The following IL1RAPL2 variants were observed in gnomAD, a reference collection of about 807,000 sequenced individuals.
IL1RAPL2 encodes the protein interleukin 1 receptor accessory protein like 2, also known as X-linked interleukin-1 receptor accessory protein-like 2.
IL1RAPL2 carries 3 observed loss-of-function variants against 44.1 expected under a neutral mutation model. The observed-to-expected ratio is 0.07, with a 90% CI of 0.03 to 0.18. The LOEUF is 0.18. Among genes scored for constraint, IL1RAPL2 ranks in the 10% least tolerant of loss-of-function variants. The pLI, the probability that IL1RAPL2 is intolerant of heterozygous loss-of-function variation, is 1.00. For missense variants in IL1RAPL2, 391 were observed against 496.4 expected, an observed-to-expected ratio of 0.79 and a Z score of 2.02; for synonymous variants, 181 against 178.8, an observed-to-expected ratio of 1.01 and a Z score of -0.10.
At chrX:105,389,559 CAGATATACATT>C (rs2147729086) in intron 5 of IL1RAPL2, among the ~76,000 whole-genome samples, 1 of 111,650 alleles carries the variant, frequency 9.0e-6, no homozygotes, top group South Asian at 3.7e-4. Context: ...GGAGGCTAGT[CAGATATACATT>C]TGATAAACAA....
At chrX:105,495,666 G>A (rs2036351522) in intron 6 of IL1RAPL2, among the ~76,000 whole-genome samples, 1 of 111,733 alleles carries the variant, frequency 8.9e-6, no homozygotes, top group Non-Finnish European at 1.9e-5. Context: ...GATAATCATG[G>A]TGTGTCTTAA....
At chrX:105,472,732 G>A (rs1230198124) in intron 5 of IL1RAPL2, among the ~76,000 whole-genome samples, 1 of 111,406 alleles carries the variant, frequency 9.0e-6, no homozygotes, top group African/African-American at 3.3e-5. Flanking sequence ...CGAAGACAGG[G>A]AACAAGCTTG....
intron 2 of IL1RAPL2, among the ~76,000 whole-genome samples, chrX:105,027,786 A>G (rs1283990113): frequency 1.8e-5 from 2 of 111,513 alleles, no homozygotes; most frequent in Non-Finnish European, 3.8e-5. Context: ...TCAAAAAACT[A>G]AAAATTGAGC....
chrX:105,718,811 C>T (rs753519838), intron 7 of IL1RAPL2, among the ~76,000 whole-genome samples: 3 of 110,951 alleles, frequency 2.7e-5, no homozygotes, highest in Non-Finnish European at 5.7e-5. Context: ...AGCCAGGCAT[C>T]GTGCTATGTG....
intron 2 of IL1RAPL2, among the ~76,000 whole-genome samples, chrX:104,722,216 G>C (rs1241520915): frequency 9.0e-6 from 1 of 111,615 alleles, no homozygotes; most frequent in African/African-American, 3.2e-5. Context: ...ATTGTAGCAT[G>C]AAAGCAGCCA....
chrX:104,940,665 G>C (rs1328516852), intron 2 of IL1RAPL2, among the ~76,000 whole-genome samples: 4 of 109,242 alleles, frequency 3.7e-5, no homozygotes, highest in Non-Finnish European at 5.7e-5. Context: ...GAACATTGGA[G>C]TGCTTCAGGG....
Position 105,389,259 on chromosome X carries a change from T to A in IL1RAPL2, c.698-95054T>A, listed in dbSNP as rs373610100. Among the ~76,000 whole-genome samples the A allele has an allele frequency of 1.6e-3, 181 of 112,366 alleles. No homozygotes were observed. In the Middle Eastern group the frequency reaches 0.033, roughly 20 times the overall value. ...TCTTTGAAGCCAATTATAATTTTAG[T>A]ACCAACCAACAGTTGGCACTTAATT... On this transcript the variant is annotated intron_variant, in intron 5 of 10. Transcript: ENST00000372582.
At chrX:105,692,227 T>C (rs2038041078) in intron 6 of IL1RAPL2, among the ~76,000 whole-genome samples, 1 of 111,604 alleles carries the variant, frequency 9.0e-6, no homozygotes, top group African/African-American at 3.3e-5. Context: ...CATAGCACTT[T>C]ACATACATTA....
chrX:104,937,299 G>A (rs1188093549), intron 2 of IL1RAPL2, among the ~76,000 whole-genome samples: 1 of 111,928 alleles, frequency 8.9e-6, no homozygotes, highest in Non-Finnish European at 1.9e-5. Flanking sequence ...TTCAAGTAAT[G>A]GTCCATTATC....
intron 2 of IL1RAPL2, among the ~76,000 whole-genome samples, chrX:105,126,865 C>T (rs766693212): frequency 9.0e-6 from 1 of 110,986 alleles, no homozygotes; most frequent in South Asian, 3.8e-4. Flanking sequence ...ACCAGATATT[C>T]AGTATTCTTC....
At chrX:105,343,390 CT>C (rs945610045) in intron 5 of IL1RAPL2, among the ~76,000 whole-genome samples, 3 of 112,037 alleles carry the variant, frequency 2.7e-5, no homozygotes, top group African/African-American at 9.7e-5. Flanking sequence ...TCATTTCAGT[CT>C]TTTTTTCTAT....
chrX:105,273,481 G>T (rs2034462915), intron 5 of IL1RAPL2, among the ~76,000 whole-genome samples: 1 of 111,534 alleles, frequency 9.0e-6, no homozygotes, highest in Non-Finnish European at 1.9e-5. Context: ...GTGAAAACTG[G>T]CCACAAAGAA....
At chrX:105,758,962 C>T (rs1282825583) in intron 10 of IL1RAPL2, among the ~76,000 whole-genome samples, 1 of 111,764 alleles carries the variant, frequency 8.9e-6, no homozygotes, top group Non-Finnish European at 1.9e-5. Flanking sequence ...CTACACAGAG[C>T]ACATTGTGTT....
At chrX:105,652,610 G>A (rs930605525) in intron 6 of IL1RAPL2, among the ~76,000 whole-genome samples, 1 of 111,411 alleles carries the variant, frequency 9.0e-6, no homozygotes, top group Non-Finnish European at 1.9e-5. Flanking sequence ...ATGTGATACA[G>A]ATTATTGTTC....
In IL1RAPL2 at chrX:105,241,541, A is replaced by C. The variant is rs782181119; in HGVS notation, c.543+7537A>C. Among the ~76,000 whole-genome samples, 3 of 112,125 alleles carry C rather than the reference A, an allele frequency of 2.7e-5. No homozygotes were observed. In the East Asian group the frequency reaches 8.4e-4, roughly 32 times the overall value. On this transcript the variant is annotated intron_variant, in intron 4 of 10. Transcript: ENST00000372582. Reference sequence around the variant, plus strand: ...ACTGTTAATGTCAACCCCAATTTTTAATAAAACCTAGTAGACAAATCTATC... The same window carrying C: ...ACTGTTAATGTCAACCCCAATTTTTCATAAAACCTAGTAGACAAATCTATC...
chrX:105,104,166 C>T (rs1350622213), intron 2 of IL1RAPL2, among the ~76,000 whole-genome samples: 2 of 111,010 alleles, frequency 1.8e-5, no homozygotes, highest in African/African-American at 6.6e-5. Context: ...GAGCCCCAGA[C>T]CAGCTATAGT....
At chrX:105,231,775 G>A in intron 3 of IL1RAPL2, among the ~76,000 whole-genome samples, 1 of 112,012 alleles carries the variant, frequency 8.9e-6, no homozygotes, top group Non-Finnish European at 1.9e-5. Context: ...AATGAGTAAA[G>A]GAGAGAATGT....
intron 2 of IL1RAPL2, among the ~76,000 whole-genome samples, chrX:104,915,850 C>G (rs1353254367): frequency 3.6e-5 from 4 of 111,494 alleles, no homozygotes; most frequent in African/African-American, 9.8e-5. Flanking sequence ...GCTTGTTTTT[C>G]TCAGGTTTGT....
intron 2 of IL1RAPL2, among the ~76,000 whole-genome samples, chrX:105,032,798 G>T (rs6616560): frequency 0.078 from 8,606 of 110,705 alleles, 691 homozygotes; most frequent in African/African-American, 0.22. Flanking sequence ...TTTCTGTCTC[G>T]TTGATCTGTC....
Sources: allele counts gnomAD v4.1 joint callset (sites outside exome capture counted in the v4.1 genomes callset), GRCh38; gene constraint gnomAD v4.1.1; transcripts MANE v1.5; gene names NCBI Gene and HGNC (gene_info 2026-07-23, HGNC 2026-07-21).